Variants in GMDS observed in about 807,000 individuals in gnomAD.
GMDS encodes the protein GDP-mannose 4,6-dehydratase.
A neutral mutation model predicts 49.9 loss-of-function variants in GMDS; 20 were observed. The ratio of observed to expected loss-of-function variants is 0.40; its 90% CI spans 0.28 to 0.58. GMDS has a LOEUF of 0.58. GMDS is among the 20% of genes least tolerant of loss of function. The probability of loss-of-function intolerance (pLI) is 0.42; values close to 1 mark genes in which losing one functional copy is unlikely to be tolerated. For missense variants in GMDS, 362 were observed against 481.4 expected, an observed-to-expected ratio of 0.75 and a Z score of 2.32; for synonymous variants, 177 against 178.6, an observed-to-expected ratio of 0.99 and a Z score of 0.07.
At chr6:2,111,439 A>T (rs560677824) in intron 4 of GMDS, among the ~76,000 whole-genome samples, 4 of 152,326 alleles carry the variant, frequency 2.6e-5, no homozygotes, top group Middle Eastern at 3.4e-3. Context: ...GATTCAGAAA[A>T]ATGTCTTCAG....
intron 4 of GMDS, among the ~76,000 whole-genome samples, chr6:2,109,480 G>A (rs1774425574): frequency 6.6e-6 from 1 of 152,206 alleles, no homozygotes; most frequent in Admixed American, 6.5e-5. Flanking sequence ...CCTAAGGCAG[G>A]TGCTTGCTGC....
intron 7 of GMDS, among the ~76,000 whole-genome samples, chr6:1,785,530 C>T (rs557700247): frequency 1.5e-4 from 23 of 152,186 alleles, no homozygotes; most frequent in African/African-American, 5.5e-4. Flanking sequence ...GACCTCCAGG[C>T]CCTTCTACGC....
rs1768083005 is a variant in GMDS, at chr6:2,018,962, G to A, written c.346-57996C>T. 2.6e-5 allele frequency among the ~76,000 whole-genome samples: 4 copies of A among 151,958 alleles called. No homozygotes were observed. In the South Asian group the frequency reaches 8.3e-4, roughly 32 times the overall value. The stretch of plus-strand genomic sequence containing the variant: ...CTTTACATTCACACCAGCAGTGTAT[G>A]AAAGTTCCCATTTTTCCACAACCTC... On this transcript the variant is annotated intron_variant, in intron 4 of 10. Coordinates refer to ENST00000380815, the MANE Select transcript of GMDS (RefSeq NM_001500.4).
chr6:2,023,748 A>C (rs752692485), intron 4 of GMDS, among the ~76,000 whole-genome samples: 31 of 152,224 alleles, frequency 2.0e-4, no homozygotes, highest in Non-Finnish European at 2.9e-5. Context: ...AGGAGACATC[A>C]TGCTCTAAAA....
chr6:1,990,715 C>G (rs1389467916), intron 4 of GMDS, among the ~76,000 whole-genome samples: 1 of 150,680 alleles, frequency 6.6e-6, no homozygotes, highest in Non-Finnish European at 1.5e-5. Context: ...GCTGGGACTA[C>G]AGGCGCAGAT....
intron 9 of GMDS, among the ~76,000 whole-genome samples, chr6:1,672,227 T>C (rs1764454712): frequency 6.6e-6 from 1 of 152,170 alleles, no homozygotes; most frequent in South Asian, 2.1e-4. Context: ...TGCGCCATGT[T>C]TTCCCAAATG....
intron 4 of GMDS, among the ~76,000 whole-genome samples, chr6:2,038,140 C>T (rs11242733): frequency 0.43 from 65,171 of 151,892 alleles, 14,115 homozygotes; most frequent in Middle Eastern, 0.49. Flanking sequence ...GGTCCCTTTT[C>T]ATTGAAGATC....
chr6:1,748,239 T>C (rs1005213304), intron 7 of GMDS, among the ~76,000 whole-genome samples: 1 of 152,214 alleles, frequency 6.6e-6, no homozygotes, highest in Non-Finnish European at 1.5e-5. Context: ...TAGGATATTA[T>C]CTATTCTTTC....
At chr6:2,204,040 A>G (rs234954) in intron 1 of GMDS, among the ~76,000 whole-genome samples, 100,722 of 152,058 alleles carry the variant, frequency 0.66, 33,821 homozygotes, top group East Asian at 0.91. Context: ...AACATTCTTA[A>G]GGAAACTTAT....
intron 9 of GMDS, among the ~76,000 whole-genome samples, chr6:1,669,925 A>AG (rs1355432992): frequency 6.7e-6 from 1 of 149,054 alleles, no homozygotes; most frequent in Non-Finnish European, 1.5e-5. Context: ...CTCAAAAAAA[A>AG]AAAAAAAAAA....
chr6:1,771,069 A>G (rs1768560091), intron 7 of GMDS, among the ~76,000 whole-genome samples: 1 of 152,252 alleles, frequency 6.6e-6, no homozygotes. Context: ...AAATGTTTAT[A>G]AGGCATAGTC....
At position 1,789,532 on chromosome 6, in the gene GMDS, CT is replaced by C. The variant is rs59996305; in HGVS notation, c.772-46947del. Among the ~76,000 whole-genome samples, 1,291 of 141,208 alleles carry C rather than the reference CT, an allele frequency of 9.1e-3. 13 individuals are homozygous for C. Among genetic ancestry groups the C allele is most frequent in the Non-Finnish European group, 0.013 (821 of 64,400 alleles). The allele number at this position is 141,208 out of a possible 152,430, so 92.6% of individuals were successfully genotyped here. A position where few individuals can be genotyped will look rare whatever the true frequency, so the allele number is the denominator to read the frequency against. ...AAATTATTTTTTCTTTTTCTTTTTTCTTTTTTTTTTTTTTTTTTTTCCTGAC... is the reference window on the plus strand; with the variant it reads ...AAATTATTTTTTCTTTTTCTTTTTTCTTTTTTTTTTTTTTTTTTTCCTGAC... On this transcript the variant is annotated intron_variant, in intron 7 of 10. Transcript: ENST00000380815.
At chr6:1,642,183 A>G (rs545540876) in intron 9 of GMDS, among the ~76,000 whole-genome samples, 1 of 148,108 alleles carries the variant, frequency 6.8e-6, no homozygotes, top group African/African-American at 2.5e-5. Flanking sequence ...TTTTTTAAGA[A>G]AAAAATAGAG....
At chr6:1,860,855 G>C (rs1758149215) in intron 7 of GMDS, among the ~76,000 whole-genome samples, 1 of 152,176 alleles carries the variant, frequency 6.6e-6, no homozygotes, top group Non-Finnish European at 1.5e-5. Flanking sequence ...GGCACACACT[G>C]ATGGGAAGGA....
At chr6:1,759,146 CCCA>C (rs1768067433) in intron 7 of GMDS, among the ~76,000 whole-genome samples, 1 of 152,074 alleles carries the variant, frequency 6.6e-6, no homozygotes, top group Non-Finnish European at 1.5e-5. Flanking sequence ...GTTACTGGTG[CCCA>C]GGAGAATGTG....
At chr6:1,753,025 C>T (rs1440407874) in intron 7 of GMDS, among the ~76,000 whole-genome samples, 2 of 152,102 alleles carry the variant, frequency 1.3e-5, no homozygotes, top group Non-Finnish European at 2.9e-5. Flanking sequence ...ATCAAATGTA[C>T]ACATAACAAT....
chr6:1,914,144 T>TG (rs1194741701), intron 7 of GMDS, among the ~76,000 whole-genome samples: 37 of 147,608 alleles, frequency 2.5e-4, no homozygotes, highest in South Asian at 2.2e-3. Context: ...TTTTTTTTTT[T>TG]TTTTTTTTTT....
intron 7 of GMDS, among the ~76,000 whole-genome samples, chr6:1,777,465 G>T (rs1157496567): frequency 6.6e-6 from 1 of 152,170 alleles, no homozygotes; most frequent in Non-Finnish European, 1.5e-5. Flanking sequence ...GCTGAAGGCT[G>T]AAGTCACTTT....
rs115269354 is a variant in GMDS at position 2,012,974 on chromosome 6, T to C, written c.346-52008A>G. Among the ~76,000 whole-genome samples the C allele has an allele frequency of 9.0e-3, 1,374 of 152,282 alleles. 7 individuals carry two copies. The highest frequency in any genetic ancestry group is 0.015 in the Non-Finnish European group (1,004 of 68,016). ...GAAAATGCTTCGACAAAGTCTTCTC[T>C]GACCTAGGGGAAAAGCAGACACTCA... On this transcript the variant is annotated intron_variant, in intron 4 of 10. Coordinates refer to ENST00000380815, the MANE Select transcript of GMDS (RefSeq NM_001500.4).
Sources: allele counts gnomAD v4.1 joint callset (sites outside exome capture counted in the v4.1 genomes callset), GRCh38; gene constraint gnomAD v4.1.1; transcripts MANE v1.5; gene names NCBI Gene and HGNC (gene_info 2026-07-23, HGNC 2026-07-21).